Variants in DCAF6 observed in about 807,000 individuals in gnomAD.
The protein encoded by DCAF6 is DDB1 and CUL4 associated factor 6, also known as DDB1- and CUL4-associated factor 6.
In DCAF6, 54 loss-of-function variants were observed where a neutral mutation model predicts 125.1. The observed-to-expected ratio is 0.43, with a 90% CI of 0.35 to 0.54. The LOEUF is 0.54. Ranked by LOEUF, DCAF6 falls within the 20% of genes least tolerant of loss-of-function variation. The pLI, the probability that DCAF6 is intolerant of heterozygous loss-of-function variation, is 0.01. For missense variants in DCAF6, 934 were observed against 1,161.7 expected, an observed-to-expected ratio of 0.80 and a Z score of 2.85; for synonymous variants, 371 against 390.4, an observed-to-expected ratio of 0.95 and a Z score of 0.58.
chr1:168,061,233 A>T (rs553807138), intron 17 of DCAF6, among the ~76,000 whole-genome samples: 2 of 152,292 alleles, frequency 1.3e-5, no homozygotes, highest in South Asian at 4.1e-4. Context: ...TTAAAAATGT[A>T]TGTGGAGATT....
intron 16 of DCAF6, among the ~76,000 whole-genome samples, chr1:168,045,934 T>C (rs553104748): frequency 1.3e-5 from 2 of 152,234 alleles, no homozygotes; most frequent in South Asian, 2.1e-4. Flanking sequence ...CTGTCCTCTT[T>C]CAGAGAACCT....
upstream of DCAF6, among the ~76,000 whole-genome samples, chr1:167,930,912 C>CA (rs775389079): frequency 7.2e-5 from 11 of 152,196 alleles, no homozygotes; most frequent in African/African-American, 9.7e-5. Context: ...GGATAGCACA[C>CA]AAAAAATATG....
intron 4 of DCAF6, among the ~76,000 whole-genome samples, chr1:167,986,963 C>T (rs1218955707): frequency 1.3e-5 from 2 of 152,110 alleles, no homozygotes; most frequent in African/African-American, 2.4e-5. Flanking sequence ...GACATTTAAA[C>T]TATTGTTTTG....
intron 3 of DCAF6, among the ~76,000 whole-genome samples, chr1:167,967,714 C>CTTTTTTTTTTTTTTTTTTTTTTTTTTTTT (rs552208317): frequency 5.4e-5 from 4 of 74,578 alleles, no homozygotes; most frequent in African/African-American, 2.1e-4. Context: ...TTTCCTGTAT[C>CTTTTTTTTTTTTTTTTTTTTTTTTTTTTT]TTTTTTTTTT....
At chr1:167,973,116 G>A (rs540267179) in intron 3 of DCAF6, among the ~76,000 whole-genome samples, 3 of 152,258 alleles carry the variant, frequency 2.0e-5, no homozygotes, top group South Asian at 2.1e-4. Context: ...CTCTGACAGC[G>A]TTAAAGAACA....
the DCAF6 span, among the ~76,000 whole-genome samples, chr1:167,926,657 G>C: frequency 6.6e-6 from 1 of 152,146 alleles, no homozygotes; most frequent in South Asian, 2.1e-4. Context: ...CCGTCTAGTG[G>C]GTAGAGGCCT....
At chr1:168,072,294 T>TAAAAAAAAAAAAAAAAAAAAAAAA (rs59674650) in intron 21 of DCAF6, among the ~76,000 whole-genome samples, 2 of 41,008 alleles carry the variant, frequency 4.9e-5, no homozygotes, top group African/African-American at 1.6e-4. Context: ...AGAATCAGTC[T>TAAAAAAAAAAAAAAAAAAAAAAAA]AAAAAAAAAA....
At chr1:167,979,312 T>C (rs910349727) in intron 4 of DCAF6, among the ~76,000 whole-genome samples, 1 of 152,174 alleles carries the variant, frequency 6.6e-6, no homozygotes, top group African/African-American at 2.4e-5. Context: ...ATATACACAC[T>C]TTAATTAGCA....
At chr1:168,002,393 T>TGGAA in intron 7 of DCAF6, 89 bp from the exon 8 acceptor site, 1 of 1,126,588 alleles carries the variant, frequency 8.9e-7, no homozygotes, top group Non-Finnish European at 1.3e-6. Context: ...AGTAGGGAGA[T>TGGAA]GGAAATAAAT....
chr1:167,947,704 G>C (rs1436963678), intron 1 of DCAF6, among the ~76,000 whole-genome samples: 1 of 152,052 alleles, frequency 6.6e-6, no homozygotes, highest in Non-Finnish European at 1.5e-5. Context: ...TTGATTTCTA[G>C]TTTTATTCTG....
intron 2 of DCAF6, among the ~76,000 whole-genome samples, chr1:167,964,311 C>T (rs12069749): frequency 0.03 from 4,561 of 152,208 alleles, 236 homozygotes; most frequent in African/African-American, 0.1. Flanking sequence ...GATAATTTTG[C>T]GGGGTACAGT....
chr1:167,988,465 C>CT (rs1449382029), intron 5 of DCAF6, among the ~76,000 whole-genome samples: 1 of 152,130 alleles, frequency 6.6e-6, no homozygotes, highest in Non-Finnish European at 1.5e-5. Context: ...CTGTGTTTGA[C>CT]TTTTAATACT....
chr1:168,053,367 C>T (rs979608685), intron 17 of DCAF6, among the ~76,000 whole-genome samples: 2 of 152,168 alleles, frequency 1.3e-5, no homozygotes, highest in African/African-American at 2.4e-5. Context: ...TTATTCATAT[C>T]TCCCTGCATG....
intron 12 of DCAF6, among the ~76,000 whole-genome samples, chr1:168,036,413 C>G (rs1179467743): frequency 6.6e-6 from 1 of 152,096 alleles, no homozygotes; most frequent in Non-Finnish European, 1.5e-5. Flanking sequence ...TCTCTACTGT[C>G]TTTACCTTAA....
chr1:167,933,916 A>G (rs1215741827), upstream of DCAF6, among the ~76,000 whole-genome samples: 1 of 152,336 alleles, frequency 6.6e-6, no homozygotes, highest in Admixed American at 6.5e-5. Flanking sequence ...TTTTAGAGAC[A>G]TTAGATCATC....
intron 21 of DCAF6, among the ~76,000 whole-genome samples, chr1:168,074,251 G>A (rs1385526673): frequency 1.3e-5 from 2 of 151,950 alleles, no homozygotes; most frequent in African/African-American, 2.4e-5. Flanking sequence ...ATTTAATCCT[G>A]TGTAGATAAT....
chr1:167,872,282 A>G, the DCAF6 span, among the ~76,000 whole-genome samples: 2 of 151,926 alleles, frequency 1.3e-5, no homozygotes, highest in African/African-American at 4.8e-5. Context: ...AGGTTACAGT[A>G]AGCCGAGATG....
chr1:167,981,841 G>A lies in DCAF6; in HGVS notation c.439-5654G>A, dbSNP rs2102945281. 3.3e-5 allele frequency among the ~76,000 whole-genome samples: 5 copies of A among 152,312 alleles called. No individual in the cohort carries two copies. The South Asian group carries it at 1.0e-3, about 32-fold the overall frequency. ...GTGAATAGTGCTGCGATGAACATGT[G>A]AGTGCATGTGTCTTTTTGGTAGAAC... On this transcript the variant is annotated intron_variant, in intron 4 of 21. Coordinates refer to ENST00000367840, the MANE Select transcript of DCAF6 (RefSeq NM_001198956.2).
At chr1:167,968,743 C>T (rs1327146343) in intron 3 of DCAF6, among the ~76,000 whole-genome samples, 1 of 152,214 alleles carries the variant, frequency 6.6e-6, no homozygotes, top group Middle Eastern at 3.2e-3. Context: ...AAGCAAACTC[C>T]GTTTTCCTGC....
Sources: allele counts gnomAD v4.1 joint callset (sites outside exome capture counted in the v4.1 genomes callset), GRCh38; gene constraint gnomAD v4.1.1; transcripts MANE v1.5; gene names NCBI Gene and HGNC (gene_info 2026-07-23, HGNC 2026-07-21).